The following RUSC2 variants were observed in gnomAD, a reference collection of about 807,000 sequenced individuals.
RUSC2 encodes the protein RUN and SH3 domain containing 2.
Under a neutral mutation model 122.2 loss-of-function variants are expected in RUSC2, and 34 were observed. The ratio of observed to expected loss-of-function variants is 0.28; its 90% CI spans 0.21 to 0.37. The LOEUF (loss-of-function observed/expected upper bound fraction) is 0.37. RUSC2 is among the 10% of genes least tolerant of loss of function. The pLI is 1.00. For missense variants in RUSC2, 1,747 were observed against 1,952.4 expected (o/e 0.89, Z 1.98); for synonymous variants, 784 against 790.0 (o/e 0.99, Z 0.13).
intron 2 of RUSC2, among the ~76,000 whole-genome samples, chr9:35,550,493 G>T (rs1821867869): frequency 6.6e-6 from 1 of 151,792 alleles, no homozygotes; most frequent in African/African-American, 2.4e-5. Flanking sequence ...GGGTGTGGTG[G>T]TGCACGCCTG....
intron 1 of RUSC2, among the ~76,000 whole-genome samples, chr9:35,513,743 G>T (rs1331735534): frequency 1.3e-5 from 2 of 150,410 alleles, no homozygotes; most frequent in African/African-American, 4.9e-5. Flanking sequence ...CAGGTGCAGT[G>T]GCTCATGCCT....
At position 35,557,882 on chromosome 9, in the gene RUSC2, A is replaced by G; in HGVS notation, c.2984-32A>G. 1 of 1,603,806 alleles carries G rather than the reference A, an allele frequency of 6.2e-7. No homozygotes were observed. The highest frequency in any genetic ancestry group is 8.5e-7 in the Non-Finnish European group (1 of 1,170,526). On this transcript the variant is annotated intron_variant, in intron 5 of 11. Coordinates refer to ENST00000361226, the MANE Select transcript of RUSC2 (RefSeq NM_014806.5). The surrounding 1 kb of genome is among the most constrained non-coding windows in gnomAD (Gnocchi z 4.6). ...AGCTGAGTTGGTTAAGGACTTGCTCAGGGACCTGTCACATCACATTCTTCC... is the reference window on the plus strand; with the variant it reads ...AGCTGAGTTGGTTAAGGACTTGCTCGGGGACCTGTCACATCACATTCTTCC...
Position 35,556,006 on chromosome 9 carries a change from C to T in RUSC2, c.2711C>T (p.Pro904Leu), listed in dbSNP as rs1160335865. The change falls in exon 4 of 12, where the codon CCA (proline) becomes CTA (leucine). Residue 904 changes from proline to leucine, a missense_variant. Physicochemically the swap from Pro to Leu is moderately conservative, Grantham distance 98. Transcript: ENST00000361226. Reference sequence around the variant, plus strand: ...TGGCGGGAATACAGGAGGAAGAACCCACTAGGGCCACCTGGTTTGTCAGGG... The same window carrying T: ...TGGCGGGAATACAGGAGGAAGAACCTACTAGGGCCACCTGGTTTGTCAGGG... ...LKWREYRRKN[P>L]LGPPGLSGSL... 1.9e-6 allele frequency: 3 copies of T among 1,614,220 alleles called. No individual in the cohort carries two copies. The highest frequency in any genetic ancestry group is 2.5e-6 in the Non-Finnish European group (3 of 1,180,040).
intron 1 of RUSC2, among the ~76,000 whole-genome samples, chr9:35,494,880 CCT>C (rs566539422): frequency 1.5e-3 from 208 of 139,250 alleles, no homozygotes; most frequent in African/African-American, 5.3e-3. Context: ...TGAAGCTTTC[CCT>C]CTGTTTTCTT....
At chr9:35,561,124 AGGGGGGC>A (rs756839811) in intron 11 of RUSC2, 27 bp downstream of exon 11, 2 of 1,613,480 alleles carry the variant, frequency 1.2e-6, no homozygotes, top group East Asian at 2.2e-5. Context: ...GGAAGGGCTG[AGGGGGGC>A]GGGGGGCTTT....
At chr9:35,528,328 G>A (rs933202759) in intron 1 of RUSC2, among the ~76,000 whole-genome samples, 9 of 151,898 alleles carry the variant, frequency 5.9e-5, no homozygotes, top group African/African-American at 2.2e-4. Flanking sequence ...AGGTTGCAGC[G>A]GGCTATGATT....
At chr9:35,505,293 G>A (rs979827752) in intron 1 of RUSC2, among the ~76,000 whole-genome samples, 10 of 152,116 alleles carry the variant, frequency 6.6e-5, no homozygotes, top group African/African-American at 2.4e-4. Context: ...TATGTCTTGA[G>A]TCTGGGACTG....
chr9:35,548,483 A>T lies in RUSC2; in HGVS notation c.1962A>T (p.Pro654=), dbSNP rs370646054. ...TGATGGATCCAGGGCCTGCTCTCCC[A>T]GGGAGCCCAGCCAACAGCCATACCC... The part of the protein sequence containing the change: ...AQLMDPGPAL[P]GSPANSHTQR... The change falls in exon 2 of 12, where the codon CCA becomes CCT. Residue 654 remains proline, a synonymous_variant. Transcript: ENST00000361226. This position sits in a 1 kb window ranked among gnomAD's most constrained non-coding sequence, Gnocchi z 4.5. The T allele has an allele frequency of 6.2e-6, 10 of 1,613,752 alleles. No individual in the cohort carries two copies. Among genetic ancestry groups the T allele is most frequent in the Non-Finnish European group, 8.5e-6 (10 of 1,180,004 alleles).
In RUSC2 at chr9:35,556,338, G is replaced by T; in HGVS notation, c.2873G>T (p.Cys958Phe). The stretch of plus-strand genomic sequence containing the variant: ...GCAGTGAAGCCGTTACCACTGACCT[G>T]CCCTGACTTCCAGGACCCCTTTTCC... ...GQAVKPLPLT[C>F]PDFQDPFSLT... The change falls in exon 5 of 12, where the codon TGC becomes TTC. Residue 958 changes from cysteine to phenylalanine, a missense_variant. Cys to Phe is a radical substitution (Grantham distance 205, BLOSUM62 -2). Transcript: ENST00000361226. The T allele has an allele frequency of 6.2e-7, 1 of 1,614,158 alleles. No individual in the cohort carries two copies. Among genetic ancestry groups the T allele is most frequent in the East Asian group, 2.2e-5 (1 of 44,872 alleles).
At chr9:35,525,566 G>A (rs938646721) in intron 1 of RUSC2, among the ~76,000 whole-genome samples, 2 of 151,914 alleles carry the variant, frequency 1.3e-5, no homozygotes, top group Non-Finnish European at 1.5e-5. Context: ...GTGGGAGGCC[G>A]AGGCAGGCGG....
intron 1 of RUSC2, among the ~76,000 whole-genome samples, chr9:35,539,744 TG>T (rs1370990753): frequency 6.6e-6 from 1 of 152,154 alleles, no homozygotes; most frequent in African/African-American, 2.4e-5. Flanking sequence ...CTAGGGCACC[TG>T]ATCTGTTACA....
At chr9:35,524,647 T>A (rs1336339016) in intron 1 of RUSC2, among the ~76,000 whole-genome samples, 1 of 152,130 alleles carries the variant, frequency 6.6e-6, no homozygotes, top group East Asian at 1.9e-4. Flanking sequence ...GTTGTACTCT[T>A]TGTTTTCTGT....
In RUSC2 at chr9:35,546,862, TTGG is replaced by T. The variant is rs1821757487; in HGVS notation, c.344_346del (p.Gly115del). 2 of 1,606,600 alleles carry T rather than the reference TTGG, an allele frequency of 1.2e-6. No individual in the cohort carries two copies. Among genetic ancestry groups the T allele is most frequent in the African/African-American group, 1.3e-5 (1 of 74,860 alleles). On this transcript the variant is annotated inframe_deletion, in exon 2 of 12. Coordinates refer to ENST00000361226, the MANE Select transcript of RUSC2 (RefSeq NM_014806.5). This position sits in a 1 kb window ranked among gnomAD's most constrained non-coding sequence, Gnocchi z 4.3. ...CAGGAGGGTGTGGGTGAGCCAGGAC[TTGG>T]TGACCTGTATGATGACAGCATTGGT...
At chr9:35,554,215 G>C (rs1821959572) in intron 2 of RUSC2, among the ~76,000 whole-genome samples, 1 of 152,170 alleles carries the variant, frequency 6.6e-6, no homozygotes, top group Non-Finnish European at 1.5e-5. Context: ...CAGTGTCCTG[G>C]AGTTTTGTGT....
At chr9:35,509,416 C>G (rs1820974269) in intron 1 of RUSC2, among the ~76,000 whole-genome samples, 1 of 152,186 alleles carries the variant, frequency 6.6e-6, no homozygotes, top group Non-Finnish European at 1.5e-5. Flanking sequence ...GTTCTGGTGA[C>G]AGTGAGCAAT....
chr9:35,497,510 G>A (rs1044072847), intron 1 of RUSC2, among the ~76,000 whole-genome samples: 1 of 152,052 alleles, frequency 6.6e-6, no homozygotes, highest in African/African-American at 2.4e-5. Context: ...CCATATATCC[G>A]AATACTATAT....
intron 1 of RUSC2, among the ~76,000 whole-genome samples, chr9:35,506,779 C>CTTT (rs1376011649): frequency 6.6e-6 from 1 of 152,066 alleles, no homozygotes; most frequent in East Asian, 1.9e-4. Context: ...TGAACATGAT[C>CTTT]TAAAGCATCT....
chr9:35,544,567 A>G (rs940196068), intron 1 of RUSC2, among the ~76,000 whole-genome samples: 10 of 151,998 alleles, frequency 6.6e-5, no homozygotes, highest in African/African-American at 2.2e-4. Context: ...CGGCCTCCCA[A>G]AGTGTTAGGA....
rs890803319 is a variant in RUSC2 at position 35,548,981 on chromosome 9, G to C, written c.2014+446G>C. The C allele has an allele frequency of 7.2e-6, 6 of 830,320 alleles. No individual in the cohort carries two copies. The highest frequency in any genetic ancestry group is 8.7e-6 in the Non-Finnish European group (6 of 688,738). 51.4% of individuals were successfully genotyped at this position (830,320 alleles called of 1,614,324 possible). A position where few individuals can be genotyped will look rare whatever the true frequency, so the allele number is the denominator to read the frequency against. On this transcript the variant is annotated intron_variant, in intron 2 of 11. Coordinates refer to ENST00000361226, the MANE Select transcript of RUSC2 (RefSeq NM_014806.5). The surrounding 1 kb of genome is among the most constrained non-coding windows in gnomAD (Gnocchi z 4.5). ...CAGGAGGTGGAGGTTGCACTGAGCTGAGATCATACCACTGCACTCCAGCCT... is the reference window on the plus strand; with the variant it reads ...CAGGAGGTGGAGGTTGCACTGAGCTCAGATCATACCACTGCACTCCAGCCT...
Sources: gnomAD v4.1 joint callset for allele counts (sites outside exome capture counted in the v4.1 genomes callset) on GRCh38, gnomAD v4.1.1 for gene constraint, Gnocchi (gnomAD v3.1) non-coding constraint, MANE v1.5 for transcripts, NCBI Gene and HGNC (gene_info 2026-07-23, HGNC 2026-07-21) for gene names.